CRBN: variants seen among roughly 807,000 people sequenced by gnomAD.
CRBN encodes protein cereblon.
In CRBN, 53 loss-of-function variants were observed where a neutral mutation model predicts 62.2. That is an observed-to-expected ratio of 0.85 (90% confidence interval 0.68 to 1.07). CRBN has a LOEUF of 1.07. Among genes scored for constraint, CRBN ranks in the 50% least tolerant of loss-of-function variants. The pLI, the probability that CRBN is intolerant of heterozygous loss-of-function variation, is 0.00. For synonymous variants in CRBN, 208 were observed against 176.1 expected, an observed-to-expected ratio of 1.18 and a Z score of -1.43; for missense variants, 616 against 531.1, an observed-to-expected ratio of 1.16 and a Z score of -1.57.
intron 1 of CRBN, among the ~76,000 whole-genome samples, chr3:3,177,259 C>T (rs895635617): frequency 1.2e-4 from 18 of 152,172 alleles, no homozygotes; most frequent in African/African-American, 2.7e-4. Flanking sequence ...AATGTCATTA[C>T]GAAATAATCA....
intron 10 of CRBN, among the ~76,000 whole-genome samples, chr3:3,151,938 T>C (rs113362613): frequency 0.04 from 6,072 of 152,286 alleles, 161 homozygotes; most frequent in Non-Finnish European, 0.051. Flanking sequence ...CTACAGAATA[T>C]GGTCCAGATA....
intron 8 of CRBN, 24 bp downstream of exon 8, chr3:3,153,936 C>G: frequency 6.9e-7 from 1 of 1,443,678 alleles, no homozygotes. Context: ...ACATGGGCAT[C>G]AAAAACATAT....
chr3:3,171,281 A>AATTTCCTTAATGAT (rs1327044478), intron 4 of CRBN, among the ~76,000 whole-genome samples: 4 of 152,246 alleles, frequency 2.6e-5, no homozygotes, highest in Non-Finnish European at 5.9e-5. Flanking sequence ...CTATAAAAGT[A>AATTTCCTTAATGAT]TTCACAAATA....
At position 3,174,184 on chromosome 3, in the gene CRBN, A is replaced by C. The variant is rs761208482; in HGVS notation, c.252T>G (p.Leu84=). The change falls in exon 3 of 11, where the codon CTT becomes CTG. Residue 84 remains leucine, a synonymous_variant. Transcript: ENST00000231948. ...DDDSCQVIPV[L]PQVMMILIPG... is the part of the protein sequence containing the mutation. ...GAATCAGGATCATCATCACTTGTGG[A>C]AGAACTGGAATCACCTGACAGCTGT... 2 of 1,614,208 alleles carry C rather than the reference A, an allele frequency of 1.2e-6. No individual in the cohort carries two copies. Among genetic ancestry groups the C allele is most frequent in the Middle Eastern group, 3.3e-4 (2 of 6,062 alleles).
intron 7 of CRBN, 38 bp downstream of exon 7, chr3:3,154,709 A>T: frequency 9.1e-7 from 1 of 1,099,864 alleles, no homozygotes. Flanking sequence ...TTATAGCAAG[A>T]CATCCCAGGC....
chr3:3,173,858 A>C (rs1395375782), intron 3 of CRBN: 7 of 601,098 alleles, frequency 1.2e-5, no homozygotes, highest in Non-Finnish European at 2.1e-5. Context: ...GAAGGTGAAG[A>C]GCTGAGTTAG....
intron 6 of CRBN, 152 bp downstream of exon 6, chr3:3,156,067 G>A (rs1433952769): frequency 1.4e-6 from 1 of 692,534 alleles, no homozygotes; most frequent in Non-Finnish European, 2.5e-6. Flanking sequence ...GCCTCCCAAA[G>A]TGCTGGGATT....
At chr3:3,158,377 G>C (rs1706998186) in intron 5 of CRBN, among the ~76,000 whole-genome samples, 1 of 152,186 alleles carries the variant, frequency 6.6e-6, no homozygotes, top group Admixed American at 6.5e-5. Context: ...CGTGGGCCAG[G>C]ATTTGGGGAC....
intron 1 of CRBN, 149 bp downstream of exon 1, chr3:3,179,472 C>G (rs958252963): frequency 2.8e-6 from 2 of 707,998 alleles, no homozygotes; most frequent in Non-Finnish European, 2.4e-6. Flanking sequence ...TGGCCGAGGG[C>G]CGACGTGAAG....
chr3:3,151,189 G>T (rs553149100), intron 10 of CRBN, 144 bp from the exon 11 acceptor site: 20 of 840,734 alleles, frequency 2.4e-5, no homozygotes, highest in Admixed American at 2.2e-4. Flanking sequence ...ACAGTTCCCT[G>T]AAACCTAAAA....
intron 8 of CRBN, 121 bp from the exon 9 acceptor site, chr3:3,153,609 TC>T: frequency 1.4e-6 from 1 of 719,016 alleles, no homozygotes; most frequent in South Asian, 1.5e-5. Flanking sequence ...TATCACATTT[TC>T]CTTCCAAGCA....
At chr3:3,161,616 T>G (rs925302966) in intron 5 of CRBN, among the ~76,000 whole-genome samples, 1 of 152,052 alleles carries the variant, frequency 6.6e-6, no homozygotes, top group Non-Finnish European at 1.5e-5. Flanking sequence ...CTTGAACTCC[T>G]CACCTTGTGA....
rs889161399 is a variant in CRBN at position 3,177,888 on chromosome 3, T to G, written c.67+1733A>C. Among the ~76,000 whole-genome samples, 9 of 152,178 alleles carry G rather than the reference T, an allele frequency of 5.9e-5. No homozygotes were observed. The South Asian group carries it at 1.9e-3, about 32-fold the overall frequency. The stretch of plus-strand genomic sequence containing the variant: ...CAGAACAACTCGTACTACATGGAAT[T>G]ATGGAAAGCCCAGTGTTTCCCTACA... On this transcript the variant is annotated intron_variant, in intron 1 of 10. Coordinates refer to ENST00000231948, the MANE Select transcript of CRBN (RefSeq NM_016302.4).
chr3:3,162,821 T>A, intron 5 of CRBN, among the ~76,000 whole-genome samples: 1 of 152,170 alleles, frequency 6.6e-6, no homozygotes, highest in East Asian at 1.9e-4. Context: ...AGAAGACACA[T>A]ATGCAGTACT....
intron 10 of CRBN, among the ~76,000 whole-genome samples, chr3:3,151,718 C>T (rs534310230): frequency 1.3e-5 from 2 of 152,242 alleles, no homozygotes; most frequent in South Asian, 2.1e-4. Flanking sequence ...TAGTCCTAAC[C>T]CCAGAGTAGC....
intron 1 of CRBN, among the ~76,000 whole-genome samples, chr3:3,179,387 C>G (rs886325157): frequency 6.6e-6 from 1 of 152,144 alleles, no homozygotes; most frequent in Non-Finnish European, 1.5e-5. Context: ...TTCTTAATAG[C>G]AAATGCTCCC....
At position 3,153,351 on chromosome 3, in the gene CRBN, T is replaced by A. The variant is rs1706719276; in HGVS notation, c.1016+73A>T. On this transcript the variant is annotated intron_variant, in intron 9 of 10. Coordinates refer to ENST00000231948, the MANE Select transcript of CRBN (RefSeq NM_016302.4). Reference sequence around the variant, plus strand: ...CTTTAAGGTACTGGAGGAAAGTTTATGGAAAACAGAAATACAGTCTTCATT... The same window carrying A: ...CTTTAAGGTACTGGAGGAAAGTTTAAGGAAAACAGAAATACAGTCTTCATT... 35 of 911,034 alleles carry A rather than the reference T, an allele frequency of 3.8e-5. No homozygotes were observed. In the South Asian group the frequency reaches 4.7e-4, roughly 12 times the overall value. The allele number at this position is 911,034 out of a possible 1,614,324, so 56.4% of individuals were successfully genotyped here. A position where few individuals can be genotyped will look rare whatever the true frequency, so the allele number is the denominator to read the frequency against.
intron 4 of CRBN, chr3:3,172,367 C>T (rs188060057): frequency 2.0e-5 from 4 of 203,200 alleles, no homozygotes; most frequent in Non-Finnish European, 3.1e-5. Flanking sequence ...GGTGAGCACA[C>T]GAACAGCTCA....
chr3:3,176,632 A>T (rs979000336), intron 1 of CRBN, among the ~76,000 whole-genome samples: 3 of 152,188 alleles, frequency 2.0e-5, no homozygotes, highest in African/African-American at 7.2e-5. Context: ...GCTACTGGGG[A>T]GGCTGAGGCA....
Sources: gnomAD v4.1 joint callset for allele counts (sites outside exome capture counted in the v4.1 genomes callset) on GRCh38, gnomAD v4.1.1 for gene constraint, MANE v1.5 for transcripts, NCBI Gene and HGNC (gene_info 2026-07-23, HGNC 2026-07-21) for gene names.